Variants in KCND3 observed in about 807,000 individuals in gnomAD.
KCND3 encodes A-type voltage-gated potassium channel KCND3.
A neutral mutation model predicts 51.1 loss-of-function variants in KCND3; 9 were observed. The ratio of observed to expected loss-of-function variants is 0.18; its 90% CI spans 0.11 to 0.31. KCND3 has a LOEUF of 0.31. Ranked by LOEUF, KCND3 falls within the 10% of genes least tolerant of loss-of-function variation. The pLI is 1.00. For synonymous variants in KCND3, 349 were observed against 368.0 expected (o/e 0.95, Z 0.59); for missense variants, 526 against 903.8 (o/e 0.58, Z 5.36).
At chr1:111,881,270 T>A (rs1669294640) in intron 2 of KCND3, among the ~76,000 whole-genome samples, 1 of 152,220 alleles carries the variant, frequency 6.6e-6, no homozygotes, top group African/African-American at 2.4e-5. Flanking sequence ...ACTCGACATT[T>A]GTCAGCTCTG....
intron 2 of KCND3, among the ~76,000 whole-genome samples, chr1:111,870,617 G>A (rs1379254616): frequency 1.3e-5 from 2 of 152,056 alleles, no homozygotes; most frequent in Admixed American, 6.6e-5. Flanking sequence ...CTGTGCAGAG[G>A]GAGCATCAAG....
chr1:111,921,987 A>C (rs1316793160), intron 2 of KCND3, among the ~76,000 whole-genome samples: 1 of 152,178 alleles, frequency 6.6e-6, no homozygotes, highest in Non-Finnish European at 1.5e-5. Flanking sequence ...ATGATTTAAA[A>C]AATTTTAACG....
chr1:111,813,194 A>T (rs1315175030), intron 2 of KCND3, among the ~76,000 whole-genome samples: 1 of 152,120 alleles, frequency 6.6e-6, no homozygotes, highest in East Asian at 1.9e-4. Flanking sequence ...GGGCCCCCAG[A>T]TCACTCTTGG....
intron 1 of KCND3, among the ~76,000 whole-genome samples, chr1:111,987,907 A>C (rs1019323857): frequency 3.3e-5 from 5 of 152,306 alleles, no homozygotes; most frequent in African/African-American, 1.2e-4. Context: ...GAAATGAAAA[A>C]GGTGACAAAT....
chr1:111,789,088 C>A (rs1440009818), intron 2 of KCND3, among the ~76,000 whole-genome samples: 2 of 152,146 alleles, frequency 1.3e-5, no homozygotes, highest in Admixed American at 6.5e-5. Context: ...CCTGTGGGCA[C>A]AGGGCTGTGG....
chr1:111,911,855 G>A (rs925131777), intron 2 of KCND3, among the ~76,000 whole-genome samples: 9 of 152,212 alleles, frequency 5.9e-5, no homozygotes, highest in Non-Finnish European at 1.2e-4. Flanking sequence ...TGAGAGAGGT[G>A]AATCAAATGA....
At chr1:111,789,471 C>T (rs997144420) in intron 2 of KCND3, among the ~76,000 whole-genome samples, 2 of 152,168 alleles carry the variant, frequency 1.3e-5, no homozygotes, top group East Asian at 1.9e-4. Context: ...GAATCCCACC[C>T]GGGAGACAGG....
At chr1:111,827,341 G>A (rs145110463) in intron 2 of KCND3, among the ~76,000 whole-genome samples, 24 of 152,352 alleles carry the variant, frequency 1.6e-4, no homozygotes, top group Non-Finnish European at 3.2e-4. Context: ...TGGAGCCCAA[G>A]TAAGCACACC....
At chr1:111,851,915 GA>G (rs1209198821) in intron 2 of KCND3, among the ~76,000 whole-genome samples, 1 of 152,204 alleles carries the variant, frequency 6.6e-6, no homozygotes, top group Non-Finnish European at 1.5e-5. Flanking sequence ...TGTTTACCAC[GA>G]CAGCCAGCAA....
At chr1:111,832,755 G>A (rs1666897631) in intron 2 of KCND3, among the ~76,000 whole-genome samples, 1 of 152,218 alleles carries the variant, frequency 6.6e-6, no homozygotes, top group Non-Finnish European at 1.5e-5. Flanking sequence ...CTGAAGGGAG[G>A]TGTAGTTCTA....
intron 3 of KCND3, among the ~76,000 whole-genome samples, chr1:111,784,616 C>G (rs1459979500): frequency 2.6e-5 from 4 of 152,238 alleles, no homozygotes; most frequent in Non-Finnish European, 4.4e-5. Flanking sequence ...CATCCCATCT[C>G]TCCACTTTCC....
intron 2 of KCND3, among the ~76,000 whole-genome samples, chr1:111,922,221 G>C (rs1571853938): frequency 1.3e-5 from 2 of 152,212 alleles, no homozygotes; most frequent in African/African-American, 4.8e-5. Flanking sequence ...AAAAGGAAGG[G>C]AGACATTAAG....
chr1:111,825,373 T>C (rs1314024906), intron 2 of KCND3, among the ~76,000 whole-genome samples: 1 of 152,196 alleles, frequency 6.6e-6, no homozygotes, highest in African/African-American at 2.4e-5. Flanking sequence ...GGCAGCACAC[T>C]AATCTCTGCC....
intron 2 of KCND3, among the ~76,000 whole-genome samples, chr1:111,880,936 C>A (rs960731311): frequency 6.6e-6 from 1 of 152,130 alleles, no homozygotes; most frequent in African/African-American, 2.4e-5. Flanking sequence ...CACTTGCTAG[C>A]CTCGGTCTGC....
chr1:111,982,389 G>A lies in KCND3; in HGVS notation c.338C>T (p.Ala113Val). The A allele has an allele frequency of 1.2e-6, 2 of 1,614,198 alleles. No homozygotes were observed. Among genetic ancestry groups the A allele is most frequent in the Non-Finnish European group, 1.7e-6 (2 of 1,180,042 alleles). ...GTAGAAGGCCAGCTCGTCGTCGTAGGCAGAGATGCACTCGTAGCGCGGGTA... is the reference window on the plus strand; with the variant it reads ...GTAGAAGGCCAGCTCGTCGTCGTAGACAGAGATGCACTCGTAGCGCGGGTA... ...LHYPRYECIS[A>V]YDDELAFYGI... Residue 113 changes from alanine (A) to valine (V), a missense_variant, in exon 2 of 8, where the codon GCC (alanine) becomes GTC (valine). Ala to Val is a moderately conservative substitution (Grantham distance 64). Transcript: ENST00000302127. This position sits in a 1 kb window ranked among gnomAD's most constrained non-coding sequence, Gnocchi z 8.5.
chr1:111,915,334 AT>A (rs892079713), intron 2 of KCND3, among the ~76,000 whole-genome samples: 17 of 151,052 alleles, frequency 1.1e-4, no homozygotes, highest in East Asian at 3.9e-4. Context: ...ATCACATTGG[AT>A]TTTTTTTTTA....
At chr1:111,969,584 TG>T (rs1674210467) in intron 2 of KCND3, among the ~76,000 whole-genome samples, 1 of 152,210 alleles carries the variant, frequency 6.6e-6, no homozygotes, top group African/African-American at 2.4e-5. Flanking sequence ...ATATGGTTAT[TG>T]GGAGAGCAAA....
intron 2 of KCND3, among the ~76,000 whole-genome samples, chr1:111,958,269 G>T (rs1285851319): frequency 6.6e-6 from 1 of 152,126 alleles, no homozygotes; most frequent in Non-Finnish European, 1.5e-5. Flanking sequence ...GGCTGTTCTC[G>T]TCCCCGCTGG....
intron 2 of KCND3, among the ~76,000 whole-genome samples, chr1:111,794,461 C>T (rs1420758975): frequency 6.6e-6 from 1 of 152,202 alleles, no homozygotes; most frequent in Admixed American, 6.5e-5. Context: ...GGAGACACAT[C>T]CTCAATGAGT....
Sources: gnomAD v4.1 joint callset for allele counts (sites outside exome capture counted in the v4.1 genomes callset) on GRCh38, gnomAD v4.1.1 for gene constraint, Gnocchi (gnomAD v3.1) non-coding constraint, MANE v1.5 for transcripts, NCBI Gene and HGNC (gene_info 2026-07-23, HGNC 2026-07-21) for gene names.